The following IL1RL2 variants were observed in gnomAD, a reference collection of about 807,000 sequenced individuals.
The protein encoded by IL1RL2 is interleukin 1 receptor like 2.
In IL1RL2, 68 loss-of-function variants were observed where a neutral mutation model predicts 66.8. That is an observed-to-expected ratio of 1.02 (90% CI 0.84 to 1.25). The LOEUF (loss-of-function observed/expected upper bound fraction) is 1.25. IL1RL2 is among the 50% of genes most tolerant of loss of function. The pLI is 0.00. For missense variants in IL1RL2, 729 were observed against 709.3 expected, an observed-to-expected ratio of 1.03 and a Z score of -0.32; for synonymous variants, 305 against 264.6, an observed-to-expected ratio of 1.15 and a Z score of -1.48.
At chr2:102,218,392 A>G (rs1280315299) in intron 6 of IL1RL2, among the ~76,000 whole-genome samples, 1 of 152,144 alleles carries the variant, frequency 6.6e-6, no homozygotes, top group East Asian at 1.9e-4. Flanking sequence ...AAATTTGTGA[A>G]TGTGTGTAGA....
intron 4 of IL1RL2, among the ~76,000 whole-genome samples, chr2:102,200,092 C>T (rs895047881): frequency 5.7e-5 from 7 of 123,878 alleles, no homozygotes; most frequent in Admixed American, 1.0e-4. Context: ...AGGAAGTGGG[C>T]GACAGAGCTA....
chr2:102,235,019 A>T lies in IL1RL2; in HGVS notation c.1420A>T (p.Ser474Cys), dbSNP rs757818185. 6.2e-7 allele frequency: 1 copy of T among 1,614,082 alleles called. No homozygotes were observed. Among genetic ancestry groups the T allele is most frequent in the East Asian group, 2.2e-5 (1 of 44,886 alleles). The change falls in exon 11 of 12, where the codon AGT becomes TGT. Residue 474 changes from serine (S) to cysteine (C), a missense_variant. Coordinates refer to ENST00000264257, the MANE Select transcript of IL1RL2 (RefSeq NM_003854.4). ...NLSEEQIAVY[S>C]ALIQDGMKVI... ...GTCAGAAGAACAAATCGCGGTCTAC[A>T]GTGCCCTGATCCAGGACGGGATGAA... is the stretch of plus-strand genomic sequence containing the variant.
At chr2:102,234,072 G>A (rs1180063742) in intron 10 of IL1RL2, among the ~76,000 whole-genome samples, 1 of 152,120 alleles carries the variant, frequency 6.6e-6, no homozygotes, top group Admixed American at 6.5e-5. Context: ...TGGGTATTTA[G>A]AGAAACCTCC....
intron 11 of IL1RL2, among the ~76,000 whole-genome samples, chr2:102,237,312 C>T (rs987404763): frequency 6.6e-6 from 1 of 152,260 alleles, no homozygotes; most frequent in Non-Finnish European, 1.5e-5. Flanking sequence ...CGGTCCAGAT[C>T]TTACTGCCCC....
chr2:102,204,173 A>G (rs555348231), intron 5 of IL1RL2, among the ~76,000 whole-genome samples: 1 of 152,210 alleles, frequency 6.6e-6, no homozygotes, highest in South Asian at 2.1e-4. Context: ...TTTAATTTCC[A>G]TGTATTTGTA....
intron 6 of IL1RL2, among the ~76,000 whole-genome samples, chr2:102,212,761 G>A (rs1377179727): frequency 6.6e-6 from 1 of 152,144 alleles, no homozygotes; most frequent in Non-Finnish European, 1.5e-5. Flanking sequence ...GAGGTCAGGA[G>A]ATCAAGACCA....
intron 4 of IL1RL2, among the ~76,000 whole-genome samples, chr2:102,193,066 GCA>G (rs139021486): frequency 1.1e-3 from 167 of 151,428 alleles, no homozygotes; most frequent in African/African-American, 2.7e-3. Flanking sequence ...ACACACACGT[GCA>G]CACACACACA....
intron 4 of IL1RL2, among the ~76,000 whole-genome samples, chr2:102,196,642 G>A (rs1307481022): frequency 1.3e-5 from 2 of 152,206 alleles, no homozygotes; most frequent in Non-Finnish European, 2.9e-5. Flanking sequence ...CCCTGGGAAT[G>A]TCCATGGCTA....
At chr2:102,218,024 T>A (rs932738281) in intron 6 of IL1RL2, among the ~76,000 whole-genome samples, 22 of 152,260 alleles carry the variant, frequency 1.4e-4, no homozygotes, top group Non-Finnish European at 2.6e-4. Context: ...ATTTGTAAAC[T>A]GTGCATCTGA....
chr2:102,222,874 C>G (rs80049329), intron 8 of IL1RL2, among the ~76,000 whole-genome samples: 1 of 152,194 alleles, frequency 6.6e-6, no homozygotes, highest in Non-Finnish European at 1.5e-5. Context: ...GAAGTGGTTA[C>G]AACTTAAATC....
intron 11 of IL1RL2, 48 bp downstream of exon 11, chr2:102,235,325 C>A: frequency 6.3e-7 from 1 of 1,579,560 alleles, no homozygotes; most frequent in Non-Finnish European, 8.6e-7. Context: ...GATGGAGGGT[C>A]TATCATTGCG....
chr2:102,205,747 C>T (rs1688648884), intron 5 of IL1RL2, among the ~76,000 whole-genome samples: 1 of 152,076 alleles, frequency 6.6e-6, no homozygotes, highest in Non-Finnish European at 1.5e-5. Context: ...TGTTCTATAA[C>T]CTTCTTGTAT....
At position 102,224,275 on chromosome 2, in the gene IL1RL2, T is replaced by C. The variant is rs116972546; in HGVS notation, c.992-1623T>C. On this transcript the variant is annotated intron_variant, in intron 8 of 11. Transcript: ENST00000264257. Reference sequence around the variant, plus strand: ...AAAGAGATATGTGAACTCCCATGTATATTGCAGCACTGTTTACAATAGCCA... The same window carrying C: ...AAAGAGATATGTGAACTCCCATGTACATTGCAGCACTGTTTACAATAGCCA... Among the ~76,000 whole-genome samples, 26 of 152,316 alleles carry C rather than the reference T, an allele frequency of 1.7e-4. No homozygotes were observed. In the East Asian group the frequency reaches 4.2e-3, roughly 25 times the overall value.
chr2:102,236,644 A>G (rs1249523214), intron 11 of IL1RL2, among the ~76,000 whole-genome samples: 1 of 152,094 alleles, frequency 6.6e-6, no homozygotes, highest in East Asian at 1.9e-4. Flanking sequence ...GTACATTCAC[A>G]CTGTTGTGCG....
chr2:102,233,340 G>A (rs1691319182), intron 10 of IL1RL2, among the ~76,000 whole-genome samples: 1 of 152,076 alleles, frequency 6.6e-6, no homozygotes, highest in South Asian at 2.1e-4. Flanking sequence ...GCCCCGCAGT[G>A]CCTGAGATTC....
intron 4 of IL1RL2, among the ~76,000 whole-genome samples, chr2:102,199,763 A>G: frequency 6.6e-6 from 1 of 152,228 alleles, no homozygotes; most frequent in East Asian, 1.9e-4. Context: ...CTGCTCAGCC[A>G]TGGAAGCACA....
At chr2:102,216,159 A>G (rs1689596548) in intron 6 of IL1RL2, among the ~76,000 whole-genome samples, 2 of 152,360 alleles carry the variant, frequency 1.3e-5, no homozygotes, top group Admixed American at 6.5e-5. Flanking sequence ...AAAACAATTT[A>G]TGATCTGAAT....
intron 7 of IL1RL2, 131 bp downstream of exon 7, chr2:102,219,213 C>A: frequency 1.0e-6 from 1 of 1,002,194 alleles, no homozygotes; most frequent in Non-Finnish European, 1.6e-6. Flanking sequence ...TCCCACCTAT[C>A]ACATAGTTAG....
At chr2:102,230,592 C>T (rs1691035763) in intron 9 of IL1RL2, among the ~76,000 whole-genome samples, 2 of 152,246 alleles carry the variant, frequency 1.3e-5, no homozygotes, top group Non-Finnish European at 2.9e-5. Flanking sequence ...GCGCCCGGTC[C>T]TGCTCCAGTG....
Sources: gnomAD v4.1 joint callset for allele counts (sites outside exome capture counted in the v4.1 genomes callset) on GRCh38, gnomAD v4.1.1 for gene constraint, MANE v1.5 for transcripts, NCBI Gene and HGNC (gene_info 2026-07-23, HGNC 2026-07-21) for gene names.